Variants in RB1CC1 observed in about 807,000 individuals in gnomAD.
RB1CC1 encodes RB1-inducible coiled-coil protein 1.
Under a neutral mutation model 177.5 loss-of-function variants are expected in RB1CC1, and 46 were observed. The observed-to-expected ratio is 0.26, with a 90% CI of 0.20 to 0.33. RB1CC1 has a LOEUF of 0.33. Among genes scored for constraint, RB1CC1 ranks in the 10% least tolerant of loss-of-function variants. The pLI is 1.00. For synonymous variants in RB1CC1, 666 were observed against 613.6 expected, an observed-to-expected ratio of 1.09 and a Z score of -1.26; for missense variants, 1,703 against 1,816.3, an observed-to-expected ratio of 0.94 and a Z score of 1.13.
chr8:52,662,451 A>G (rs544036848), intron 8 of RB1CC1, among the ~76,000 whole-genome samples: 35 of 152,146 alleles, frequency 2.3e-4, no homozygotes, highest in Middle Eastern at 3.4e-3. Flanking sequence ...AGTTTTCTTT[A>G]TATGTGGTCC....
chr8:52,696,274 C>G (rs1306022934), intron 1 of RB1CC1, among the ~76,000 whole-genome samples: 2 of 151,760 alleles, frequency 1.3e-5, no homozygotes, highest in Non-Finnish European at 2.9e-5. Flanking sequence ...GAACTCCTGA[C>G]CTCATGATCC....
chr8:52,661,859 C>A (rs777124455), intron 8 of RB1CC1, 140 bp from the exon 9 acceptor site: 18 of 589,184 alleles, frequency 3.1e-5, no homozygotes, highest in African/African-American at 2.7e-4. Flanking sequence ...CTATTTTTCT[C>A]GAATGTAGTA....
chr8:52,682,120 A>G (rs1293187088), intron 5 of RB1CC1, among the ~76,000 whole-genome samples: 1 of 152,214 alleles, frequency 6.6e-6, no homozygotes, highest in African/African-American at 2.4e-5. Flanking sequence ...CTGCAAAGCC[A>G]CAGGGACAGA....
intron 21 of RB1CC1, among the ~76,000 whole-genome samples, chr8:52,630,260 C>A (rs1303609513): frequency 2.6e-5 from 4 of 152,090 alleles, no homozygotes; most frequent in African/African-American, 9.7e-5. Flanking sequence ...AATCATAATG[C>A]TATAACTGGA....
At chr8:52,630,603 CACT>C in intron 20 of RB1CC1, 75 bp from the exon 21 acceptor site, 7 of 1,421,070 alleles carry the variant, frequency 4.9e-6, no homozygotes, top group Non-Finnish European at 6.5e-6. Context: ...AAATTTCACC[CACT>C]GTTATACACA....
chr8:52,660,700 T>C (rs755359332), intron 11 of RB1CC1, 43 bp from the exon 12 acceptor site: 1 of 1,512,472 alleles, frequency 6.6e-7, no homozygotes, highest in South Asian at 1.2e-5. Context: ...AGAGCTTTAT[T>C]TAAGGCAAAA....
chr8:52,648,415 G>C (rs1304577651), intron 15 of RB1CC1, among the ~76,000 whole-genome samples: 1 of 152,150 alleles, frequency 6.6e-6, no homozygotes, highest in African/African-American at 2.4e-5. Flanking sequence ...CCTGCTATCA[G>C]GGGAATTAAC....
At chr8:52,655,440 GTAACAA>G (rs766194060) in intron 15 of RB1CC1, among the ~76,000 whole-genome samples, 43 of 152,102 alleles carry the variant, frequency 2.8e-4, no homozygotes, top group Non-Finnish European at 5.0e-4. Context: ...ATATCAGACA[GTAACAA>G]TAATAAACAT....
At chr8:52,659,261 ATGTG>A (rs1463322536) in intron 12 of RB1CC1, among the ~76,000 whole-genome samples, 2 of 152,096 alleles carry the variant, frequency 1.3e-5, no homozygotes, top group African/African-American at 4.8e-5. Context: ...CCTATCCTGT[ATGTG>A]TATGTATGTA....
intron 7 of RB1CC1, 55 bp downstream of exon 7, chr8:52,673,790 T>C (rs991974330): frequency 1.4e-5 from 20 of 1,429,394 alleles, no homozygotes; most frequent in Non-Finnish European, 1.8e-5. Flanking sequence ...ATATTTAGGA[T>C]AAATAATATA....
chr8:52,710,812 A>T (rs927355828), intron 1 of RB1CC1, among the ~76,000 whole-genome samples: 1 of 152,228 alleles, frequency 6.6e-6, no homozygotes, highest in African/African-American at 2.4e-5. Context: ...ATCTATAAAC[A>T]TATAACCAAA....
chr8:52,635,001 C>A (rs768822176), intron 19 of RB1CC1, 33 bp from the exon 20 acceptor site: 32 of 1,557,068 alleles, frequency 2.1e-5, no homozygotes, highest in Non-Finnish European at 2.7e-5. Context: ...TGTGGTTTAT[C>A]CTTGTACCTA....
At chr8:52,645,905 T>C in intron 15 of RB1CC1, 38 bp from the exon 16 acceptor site, 1 of 1,521,494 alleles carries the variant, frequency 6.6e-7, no homozygotes, top group Non-Finnish European at 8.9e-7. Flanking sequence ...AAAAAAAAAA[T>C]TACAGACACA....
At chr8:52,705,113 C>T (rs112340050) in intron 1 of RB1CC1, among the ~76,000 whole-genome samples, 26 of 152,292 alleles carry the variant, frequency 1.7e-4, no homozygotes, top group East Asian at 7.7e-4. Flanking sequence ...GACAGAACAA[C>T]TGTCAAAACA....
chr8:52,683,801 C>CA, intron 4 of RB1CC1, 82 bp from the exon 5 acceptor site: 1 of 1,569,806 alleles, frequency 6.4e-7, no homozygotes, highest in African/African-American at 1.4e-5. Flanking sequence ...ATATATGAAG[C>CA]AAATAAACCT....
intron 5 of RB1CC1, among the ~76,000 whole-genome samples, chr8:52,681,348 T>C (rs931042129): frequency 7.9e-5 from 12 of 152,274 alleles, no homozygotes; most frequent in Middle Eastern, 3.4e-3. Flanking sequence ...GGATGTACAA[T>C]TATGGTTTGT....
At chr8:52,667,275 C>A (rs796833037) in intron 8 of RB1CC1, among the ~76,000 whole-genome samples, 1 of 151,742 alleles carries the variant, frequency 6.6e-6, no homozygotes, top group African/African-American at 2.4e-5. Flanking sequence ...ATAACATCAA[C>A]GAAGTATGTT....
At chr8:52,670,477 C>T (rs1591035629) in intron 7 of RB1CC1, among the ~76,000 whole-genome samples, 1 of 152,138 alleles carries the variant, frequency 6.6e-6, no homozygotes, top group East Asian at 1.9e-4. Flanking sequence ...GTTTCTTACA[C>T]TCTCTATTCT....
At position 52,657,891 on chromosome 8, in the gene RB1CC1, T is replaced by C. The variant is rs773196304; in HGVS notation, c.1938A>G (p.Thr646=). 5 of 1,613,598 alleles carry C rather than the reference T, an allele frequency of 3.1e-6. No homozygotes were observed. The highest frequency in any genetic ancestry group is 3.3e-5 in the Admixed American group (2 of 59,976). ...LSEQKASVSQ[T]SPQSASSPRM... ...TTGGTGAAGAAGCAGACTGTGGGGA[T>C]GTCTGACTCACAGATGCCTGGAAAA... The change falls in exon 15 of 24, where the codon ACA becomes ACG. Residue 646 remains threonine, a synonymous_variant. Transcript: ENST00000025008.
Sources: gnomAD v4.1 joint callset for allele counts (sites outside exome capture counted in the v4.1 genomes callset) on GRCh38, gnomAD v4.1.1 for gene constraint, MANE v1.5 for transcripts, NCBI Gene and HGNC (gene_info 2026-07-23, HGNC 2026-07-21) for gene names.